Variants in PIK3C2G observed in about 807,000 individuals in gnomAD.
The protein encoded by PIK3C2G is phosphatidylinositol 3-kinase C2 domain-containing subunit gamma.
PIK3C2G carries 168 observed loss-of-function variants against 181.1 expected under a neutral mutation model. The observed-to-expected ratio is 0.93, with a 90% CI of 0.82 to 1.05. The LOEUF (loss-of-function observed/expected upper bound fraction) is 1.05, where lower values mean the gene tolerates loss of function less well. Ranked by LOEUF, PIK3C2G falls within the 50% of genes least tolerant of loss-of-function variation. The pLI is 0.00. For missense variants in PIK3C2G, 1,869 were observed against 1,732.8 expected (o/e 1.08, Z -1.40); for synonymous variants, 573 against 592.2 (o/e 0.97, Z 0.47).
At chr12:18,586,836 G>A (rs925570503) in intron 29 of PIK3C2G, among the ~76,000 whole-genome samples, 1 of 151,888 alleles carries the variant, frequency 6.6e-6, no homozygotes, top group Non-Finnish European at 1.5e-5. Context: ...CAAATCAGAA[G>A]CACATAAAAA....
At chr12:18,691,168 C>A in the PIK3C2G span, among the ~76,000 whole-genome samples, 678 of 152,120 alleles carry the variant, frequency 4.5e-3, 7 homozygotes, top group African/African-American at 0.015. Context: ...TAACGTTGGT[C>A]TGGATGTGGG....
chr12:18,395,312 A>G (rs1161804956), intron 15 of PIK3C2G, among the ~76,000 whole-genome samples: 1 of 148,654 alleles, frequency 6.7e-6, no homozygotes, highest in African/African-American at 2.5e-5. Context: ...AACACTAAAT[A>G]CAGGCCTCTC....
At chr12:18,566,785 A>G (rs12099693) in intron 28 of PIK3C2G, among the ~76,000 whole-genome samples, 164 bp from the exon 29 acceptor site, 6,592 of 152,248 alleles carry the variant, frequency 0.043, 321 homozygotes, top group African/African-American at 0.12. Flanking sequence ...GAATGACCAC[A>G]GCCATATTAA....
At chr12:18,680,727 G>A in the PIK3C2G span, among the ~76,000 whole-genome samples, 1 of 151,940 alleles carries the variant, frequency 6.6e-6, no homozygotes, top group Non-Finnish European at 1.5e-5. Context: ...TACAAAAGGA[G>A]ACACAACATG....
chr12:18,460,974 G>A (rs761114010), intron 18 of PIK3C2G, among the ~76,000 whole-genome samples: 3 of 152,060 alleles, frequency 2.0e-5, no homozygotes, highest in South Asian at 4.1e-4. Context: ...GTTAATACAC[G>A]TAAAATGCTC....
chr12:18,292,227 AATATAT>A lies in PIK3C2G; in HGVS notation c.919+1238_919+1243del, dbSNP rs1555149102. 2.1e-3 allele frequency among the ~76,000 whole-genome samples: 104 copies of A among 48,702 alleles called. 2 individuals are homozygous for A. Among genetic ancestry groups the A allele is most frequent in the African/African-American group, 0.01 (91 of 9,040 alleles). 32.0% of individuals were successfully genotyped at this position (48,702 alleles called of 152,430 possible). ...CTCCATCTCAAAAAAAAAAAAAAAAAATATATATATATATATATATATATATATGGA... is the reference window on the plus strand; with the variant it reads ...CTCCATCTCAAAAAAAAAAAAAAAAAATATATATATATATATATATATGGA... On this transcript the variant is annotated intron_variant, in intron 4 of 32. Coordinates refer to ENST00000538779, the MANE Select transcript of PIK3C2G (RefSeq NM_001288772.2).
At chr12:18,667,979 A>C in the PIK3C2G span, among the ~76,000 whole-genome samples, 3 of 152,110 alleles carry the variant, frequency 2.0e-5, no homozygotes, top group African/African-American at 4.8e-5. Context: ...CAACAACAAA[A>C]AAAAAAGGCA....
chr12:18,273,588 A>T (rs1948837990), intron 1 of PIK3C2G, among the ~76,000 whole-genome samples: 1 of 152,148 alleles, frequency 6.6e-6, no homozygotes, highest in Non-Finnish European at 1.5e-5. Flanking sequence ...TGCTGGGAAA[A>T]CTGGCTAGCC....
At chr12:18,533,111 G>C (rs1943647187) in intron 24 of PIK3C2G, among the ~76,000 whole-genome samples, 1 of 151,968 alleles carries the variant, frequency 6.6e-6, no homozygotes, top group African/African-American at 2.4e-5. Flanking sequence ...ATAATTTCCA[G>C]AGTTCTTAAT....
intron 18 of PIK3C2G, among the ~76,000 whole-genome samples, chr12:18,424,319 T>C (rs987860106): frequency 4.6e-5 from 7 of 152,176 alleles, no homozygotes; most frequent in African/African-American, 1.7e-4. Flanking sequence ...AAATGACAAG[T>C]GCAATTTGTA....
intron 18 of PIK3C2G, among the ~76,000 whole-genome samples, chr12:18,428,987 C>A (rs1415520529): frequency 1.3e-5 from 2 of 152,100 alleles, no homozygotes; most frequent in Non-Finnish European, 2.9e-5. Flanking sequence ...GTGGTGGCCC[C>A]AAAGAAGATA....
intron 32 of PIK3C2G, among the ~76,000 whole-genome samples, chr12:18,646,921 G>A (rs1591769615): frequency 2.0e-5 from 3 of 151,142 alleles, no homozygotes; most frequent in African/African-American, 7.3e-5. Flanking sequence ...GAAAAAAAAA[G>A]TCACAAAAAA....
Position 18,251,273 on chromosome 12 carries a change from T to C in PIK3C2G, c.-79+3191T>C, listed in dbSNP as rs185785302. Among the ~76,000 whole-genome samples the C allele has an allele frequency of 2.6e-4, 40 of 152,140 alleles. No individual in the cohort carries two copies. In the South Asian group the frequency reaches 3.5e-3, roughly 13 times the overall value. On this transcript the variant is annotated intron_variant, in intron 1 of 11. Coordinates refer to the PIK3C2G transcript ENST00000535651. ...TTCAGTGGTCAAATGAAAACTGTTA[T>C]ATTTAGAATGGAAAAGTCCACTTAA...
the PIK3C2G span, among the ~76,000 whole-genome samples, chr12:18,674,226 T>C: frequency 1.3e-5 from 2 of 152,224 alleles, no homozygotes; most frequent in South Asian, 4.1e-4. Context: ...AAGCCACATA[T>C]ATTAAATTCA....
chr12:18,476,545 A>C (rs1411162209), intron 18 of PIK3C2G, among the ~76,000 whole-genome samples: 1 of 152,154 alleles, frequency 6.6e-6, no homozygotes, highest in African/African-American at 2.4e-5. Context: ...GGGAAAACTG[A>C]GTACCAGAAA....
intron 26 of PIK3C2G, among the ~76,000 whole-genome samples, chr12:18,549,801 A>G (rs75588178): frequency 0.037 from 5,643 of 152,050 alleles, 217 homozygotes; most frequent in African/African-American, 0.099. Context: ...TCCCCTGGAT[A>G]TTTGGTTCCA....
At chr12:18,630,319 G>A (rs1015721947) in intron 31 of PIK3C2G, among the ~76,000 whole-genome samples, 4 of 152,098 alleles carry the variant, frequency 2.6e-5, no homozygotes, top group African/African-American at 9.7e-5. Flanking sequence ...TCAAACCTGG[G>A]AGAGGGAGGT....
rs554214865 is a variant in PIK3C2G at position 18,267,776 on chromosome 12, T to C, written c.-79+6199T>C. ...GAAGGTATACGTATCTAGGTAATTC[T>C]AGCCAATATATAGTTCTTCTTTTGC... is the stretch of plus-strand genomic sequence containing the variant. On this transcript the variant is annotated intron_variant, in intron 1 of 32. Coordinates refer to ENST00000538779, the MANE Select transcript of PIK3C2G (RefSeq NM_001288772.2). Among the ~76,000 whole-genome samples, 29 of 152,374 alleles carry C rather than the reference T, an allele frequency of 1.9e-4. No individual in the cohort carries two copies. In the South Asian group the frequency reaches 5.4e-3, roughly 28 times the overall value.
chr12:18,557,166 T>G (rs762587447), intron 26 of PIK3C2G, among the ~76,000 whole-genome samples: 5 of 152,114 alleles, frequency 3.3e-5, no homozygotes, highest in African/African-American at 4.8e-5. Context: ...TTTCAAAAGT[T>G]AAAAATGATA....
Sources: allele counts gnomAD v4.1 joint callset (sites outside exome capture counted in the v4.1 genomes callset), GRCh38; gene constraint gnomAD v4.1.1; transcripts MANE v1.5; gene names NCBI Gene and HGNC (gene_info 2026-07-23, HGNC 2026-07-21).